Variants in DGKB observed in about 807,000 individuals in gnomAD.
DGKB encodes the protein diacylglycerol kinase beta.
A neutral mutation model predicts 114.3 loss-of-function variants in DGKB; 67 were observed. The ratio of observed to expected loss-of-function variants is 0.59; its 90% CI spans 0.48 to 0.72. DGKB has a LOEUF of 0.72. Ranked by LOEUF, DGKB falls within the 30% of genes least tolerant of loss-of-function variation. The pLI is 0.00. For missense variants in DGKB, 907 were observed against 975.2 expected, an observed-to-expected ratio of 0.93 and a Z score of 0.93; for synonymous variants, 398 against 323.1, an observed-to-expected ratio of 1.23 and a Z score of -2.49.
At chr7:14,462,128 G>A (rs1238685996) in intron 21 of DGKB, among the ~76,000 whole-genome samples, 1 of 152,146 alleles carries the variant, frequency 6.6e-6, no homozygotes, top group Non-Finnish European at 1.5e-5. Flanking sequence ...AGCTATTTAT[G>A]ACAAACCCAC....
intron 1 of DGKB, among the ~76,000 whole-genome samples, chr7:14,970,605 C>T (rs994473945): frequency 6.6e-6 from 1 of 152,092 alleles, no homozygotes; most frequent in Non-Finnish European, 1.5e-5. Context: ...AGCATATCCT[C>T]AGAATGCTCC....
At chr7:14,747,775 G>GCGCGCGCGCGTGCGCGCACACACACA in intron 4 of DGKB, among the ~76,000 whole-genome samples, 11 of 149,178 alleles carry the variant, frequency 7.4e-5, no homozygotes, top group Admixed American at 4.0e-4. Flanking sequence ...ACATCCACGC[G>GCGCGCGCGCGTGCGCGCACACACACA]CACGCACACA....
chr7:14,498,964 T>C (rs925030984), intron 20 of DGKB, among the ~76,000 whole-genome samples: 6 of 151,614 alleles, frequency 4.0e-5, no homozygotes, highest in African/African-American at 1.5e-4. Flanking sequence ...ATGAAGGATT[T>C]TGAAAGTATG....
intron 23 of DGKB, among the ~76,000 whole-genome samples, chr7:14,181,561 T>G (rs1041631121): frequency 6.6e-6 from 1 of 152,212 alleles, no homozygotes; most frequent in African/African-American, 2.4e-5. Context: ...TTCATTAGTG[T>G]GCTCAATCAT....
chr7:14,805,721 A>C (rs1245867163), intron 2 of DGKB, among the ~76,000 whole-genome samples: 1 of 151,840 alleles, frequency 6.6e-6, no homozygotes, highest in African/African-American at 2.4e-5. Flanking sequence ...AATGTTTATA[A>C]TAAAATGATA....
Position 14,452,128 on chromosome 7 carries a change from T to A in DGKB, c.1835+26033A>T, listed in dbSNP as rs1487306621. Among the ~76,000 whole-genome samples, 3 of 152,222 alleles carry A rather than the reference T, an allele frequency of 2.0e-5. No individual in the cohort carries two copies. The East Asian group carries it at 5.8e-4, about 29-fold the overall frequency. ...TATCACCATCGATATGCTTGCAATA[T>A]TTCCTGCCCAATAGAAAAGAACATG... On this transcript the variant is annotated intron_variant, in intron 21 of 25. Coordinates refer to ENST00000402815, the MANE Select transcript of DGKB (RefSeq NM_001350709.2).
chr7:14,579,865 G>T (rs532311762), intron 19 of DGKB, among the ~76,000 whole-genome samples: 1 of 152,180 alleles, frequency 6.6e-6, no homozygotes, highest in Non-Finnish European at 1.5e-5. Flanking sequence ...TCAGGCCACT[G>T]TATTTTTAAC....
intron 21 of DGKB, among the ~76,000 whole-genome samples, chr7:14,473,127 C>T (rs2128893800): frequency 6.6e-6 from 1 of 152,218 alleles, no homozygotes; most frequent in South Asian, 2.1e-4. Flanking sequence ...ATGTCAGAGA[C>T]CTTTGCAGTA....
intron 5 of DGKB, among the ~76,000 whole-genome samples, chr7:14,729,122 T>TC (rs1830459737): frequency 7.6e-6 from 1 of 132,444 alleles, no homozygotes; most frequent in Non-Finnish European, 1.6e-5. Context: ...TCATTTTCTT[T>TC]CTTTTTTTTT....
chr7:14,676,579 TA>T (rs1229723734), intron 12 of DGKB, among the ~76,000 whole-genome samples: 1 of 151,914 alleles, frequency 6.6e-6, no homozygotes, highest in Non-Finnish European at 1.5e-5. Context: ...AAATTAAAAA[TA>T]AAAAAATTAA....
intron 21 of DGKB, among the ~76,000 whole-genome samples, chr7:14,425,242 A>C (rs1277799808): frequency 6.6e-6 from 1 of 152,086 alleles, no homozygotes; most frequent in Non-Finnish European, 1.5e-5. Context: ...TAAAATAATA[A>C]GTAGGACATA....
At chr7:14,368,573 C>CTGTGTGTGTGTG (rs3069084) in intron 21 of DGKB, among the ~76,000 whole-genome samples, 2,848 of 148,686 alleles carry the variant, frequency 0.019, 51 homozygotes, top group South Asian at 0.079. Context: ...GGTATTTTCT[C>CTGTGTGTGTGTG]TGTGTGTGTG....
At chr7:14,860,451 A>G (rs1019340068) in intron 1 of DGKB, among the ~76,000 whole-genome samples, 1 of 151,996 alleles carries the variant, frequency 6.6e-6, no homozygotes, top group Non-Finnish European at 1.5e-5. Context: ...ATTAATATTC[A>G]GGAAATTATT....
rs181446390 is a variant in DGKB, at chr7:14,957,144, A to T, written c.-188+17552T>A. On this transcript the variant is annotated intron_variant, in intron 1 of 4. Coordinates refer to the DGKB transcript ENST00000437998. ...TTAAATCGAATATCCCAGTTTTTTTAAAAAAAGGGCATAAAAAATCTTTAA... is the reference window on the plus strand; with the variant it reads ...TTAAATCGAATATCCCAGTTTTTTTTAAAAAAGGGCATAAAAAATCTTTAA... Among the ~76,000 whole-genome samples the T allele has an allele frequency of 6.3e-3, 950 of 151,938 alleles. 7 individuals are homozygous for T. Among genetic ancestry groups the T allele is most frequent in the African/African-American group, 0.018 (731 of 41,518 alleles).
At chr7:14,787,888 T>G (rs1007305315) in intron 2 of DGKB, among the ~76,000 whole-genome samples, 1 of 152,234 alleles carries the variant, frequency 6.6e-6, no homozygotes, top group Non-Finnish European at 1.5e-5. Flanking sequence ...AAAGCAGTTT[T>G]CTGCTGCTAG....
chr7:14,825,142 G>A (rs2128109433), intron 2 of DGKB, among the ~76,000 whole-genome samples: 1 of 149,930 alleles, frequency 6.7e-6, no homozygotes, highest in Admixed American at 6.7e-5. Context: ...GGTGTGAAAT[G>A]TCTGGCATGC....
chr7:14,465,908 C>T (rs1780395274), intron 21 of DGKB, among the ~76,000 whole-genome samples: 1 of 151,850 alleles, frequency 6.6e-6, no homozygotes, highest in African/African-American at 2.4e-5. Flanking sequence ...CTCCTAGCTG[C>T]TGGTGTACAC....
In DGKB at chr7:14,931,209, T is replaced by C. The variant is rs567144417; in HGVS notation, c.-188+43487A>G. 2.2e-3 allele frequency among the ~76,000 whole-genome samples: 340 copies of C among 152,030 alleles called. 6 individuals are homozygous for C. Among genetic ancestry groups the C allele is most frequent in the Admixed American group, 0.018 (273 of 15,258 alleles). On this transcript the variant is annotated intron_variant, in intron 1 of 4. Transcript: ENST00000437998. ...TCATTGCAACCTCCGCCTCCTGAGTTCAAGCGATTCTCCTGCCTCAGCCTC... is the reference window on the plus strand; with the variant it reads ...TCATTGCAACCTCCGCCTCCTGAGTCCAAGCGATTCTCCTGCCTCAGCCTC...
In DGKB at chr7:14,148,954, CTG is replaced by C; in HGVS notation, c.*175_*176del. On this transcript the variant is annotated 3_prime_UTR_variant, in exon 26 of 26. Coordinates refer to ENST00000402815, the MANE Select transcript of DGKB (RefSeq NM_001350709.2). ...CTTCATGCAAAGATGCCTATAAAAACTGAGACAATAAATTTTCTAATAGCTGA... is the reference window on the plus strand; with the variant it reads ...CTTCATGCAAAGATGCCTATAAAAACAGACAATAAATTTTCTAATAGCTGA... The C allele has an allele frequency of 1.6e-6, 1 of 613,522 alleles. No homozygotes were observed. Among genetic ancestry groups the C allele is most frequent in the Non-Finnish European group, 2.8e-6 (1 of 351,238 alleles). The allele number at this position is 613,522 out of a possible 1,614,324, so 38.0% of individuals were successfully genotyped here.
Sources: gnomAD v4.1 joint callset for allele counts (sites outside exome capture counted in the v4.1 genomes callset) on GRCh38, gnomAD v4.1.1 for gene constraint, MANE v1.5 for transcripts, NCBI Gene and HGNC (gene_info 2026-07-23, HGNC 2026-07-21) for gene names.